The following RBBP7 variants were observed in gnomAD, a reference collection of about 807,000 sequenced individuals.
RBBP7 encodes the protein histone-binding protein RBBP7.
RBBP7 carries 5 observed loss-of-function variants against 35.2 expected under a neutral mutation model. That is an observed-to-expected ratio of 0.14 (90% CI 0.07 to 0.30). The LOEUF is 0.30. RBBP7 is among the 10% of genes least tolerant of loss of function. The pLI is 1.00. For missense variants in RBBP7, 155 were observed against 327.5 expected (o/e 0.47, Z 4.07); for synonymous variants, 140 against 118.7 (o/e 1.18, Z -1.17).
chrX:16,844,378 G>A lies in RBBP7; in HGVS notation c.*657C>T, dbSNP rs1409044001. On this transcript the variant is annotated 3_prime_UTR_variant, in exon 12 of 12. Transcript: ENST00000380087. ...ACACTGCTTTATTTTTACAGCCCAC[G>A]TCTTTCATGAGGATACGAATTGTTA... 2 of 112,276 alleles carry A rather than the reference G, an allele frequency of 1.8e-5. No individual in the cohort carries two copies. The highest frequency in any genetic ancestry group is 3.8e-5 in the Non-Finnish European group (2 of 53,270). 9.3% of individuals were successfully genotyped at this position (112,276 alleles called of 1,213,427 possible). A position where few individuals can be genotyped will look rare whatever the true frequency, so the allele number is the denominator to read the frequency against.
chrX:16,852,524 TAC>T lies in RBBP7; in HGVS notation c.963+25_963+26del, dbSNP rs1569060069. 9 of 1,194,537 alleles carry T rather than the reference TAC, an allele frequency of 7.5e-6. No individual in the cohort carries two copies. In the African/African-American group the frequency reaches 1.1e-4, roughly 14 times the overall value. ...AATCCCTGGATTTCATTTCCTGACA[TAC>T]AGACACCAGAAAACTGTCACATACC... On this transcript the variant is annotated intron_variant, in intron 8 of 11. Coordinates refer to ENST00000380087, the MANE Select transcript of RBBP7 (RefSeq NM_002893.4).
At chrX:16,869,432 C>T in intron 1 of RBBP7, 1 of 1,139,235 alleles carries the variant, frequency 8.8e-7, no homozygotes, top group Non-Finnish European at 1.2e-6. Flanking sequence ...CCTGCGTACA[C>T]CATGTTGGGT....
At chrX:16,864,418 C>T (rs58036258) in intron 2 of RBBP7, among the ~76,000 whole-genome samples, 3,379 of 105,760 alleles carry the variant, frequency 0.032, 166 homozygotes, top group African/African-American at 0.11. Flanking sequence ...ACTCAGGAGG[C>T]GGAGGCAGGA....
chrX:16,865,474 T>A (rs1461774074), intron 2 of RBBP7, among the ~76,000 whole-genome samples: 2 of 111,714 alleles, frequency 1.8e-5, no homozygotes, highest in Non-Finnish European at 3.8e-5. Flanking sequence ...AGCTTAAAAA[T>A]CCCTCTGGAC....
At position 16,853,860 on chromosome X, in the gene RBBP7, A is replaced by G. The variant is rs748822874; in HGVS notation, c.598-18T>C. ...CAAACAGTCTAAGAGAGAAGGAGAG[A>G]AAAAAAAAAGAACAAGGGCTATAAG... On this transcript the variant is annotated intron_variant, in intron 5 of 11. Coordinates refer to ENST00000380087, the MANE Select transcript of RBBP7 (RefSeq NM_002893.4). The G allele has an allele frequency of 2.1e-6, 2 of 956,585 alleles. No individual in the cohort carries two copies. The highest frequency in any genetic ancestry group is 2.7e-6 in the Non-Finnish European group (2 of 738,307). The allele number at this position is 956,585 out of a possible 1,213,427, so 78.8% of individuals were successfully genotyped here.
Position 16,858,656 on chromosome X carries a change from C to T in RBBP7, c.481+20G>A. On this transcript the variant is annotated intron_variant, in intron 4 of 11. Transcript: ENST00000380087. ...TCAAGAAAACTGCTCAAGTAATGACCTAACTCTATTATTACATACCTGGTT... is the reference window on the plus strand; with the variant it reads ...TCAAGAAAACTGCTCAAGTAATGACTTAACTCTATTATTACATACCTGGTT... The T allele has an allele frequency of 1.7e-6, 2 of 1,203,055 alleles. No individual in the cohort carries two copies. Among genetic ancestry groups the T allele is most frequent in the East Asian group, 3.0e-5 (1 of 33,666 alleles).
Position 16,870,262 on chromosome X carries a change from C to G in RBBP7, c.-209G>C. ...CGCTCGCGGGTACCGAGGTCTGAGG[C>G]GCTCTTCTCTCTCTCTCCAAACTTG... On this transcript the variant is annotated 5_prime_UTR_variant, in exon 1 of 12. Coordinates refer to ENST00000380087, the MANE Select transcript of RBBP7 (RefSeq NM_002893.4). The G allele has an allele frequency of 2.4e-6, 1 of 415,999 alleles. No homozygotes were observed. The highest frequency in any genetic ancestry group is 3.2e-6 in the Non-Finnish European group (1 of 311,264). The allele number at this position is 415,999 out of a possible 1,213,427, so 34.3% of individuals were successfully genotyped here. A position where few individuals can be genotyped will look rare whatever the true frequency, so the allele number is the denominator to read the frequency against.
chrX:16,862,545 A>G (rs1436047385), intron 3 of RBBP7, among the ~76,000 whole-genome samples: 1 of 111,142 alleles, frequency 9.0e-6, no homozygotes, highest in African/African-American at 3.3e-5. Context: ...ATTAAAAAAA[A>G]AAATTTTTTT....
At chrX:16,851,124 CAAAA>C (rs139028984) in intron 9 of RBBP7, among the ~76,000 whole-genome samples, 1 of 79,964 alleles carries the variant, frequency 1.3e-5, no homozygotes. Context: ...ATTCAGTCTC[CAAAA>C]AAAAAAAAAG....
intron 9 of RBBP7, among the ~76,000 whole-genome samples, chrX:16,850,158 GTA>G (rs1232383585): frequency 8.9e-6 from 1 of 112,262 alleles, no homozygotes. Context: ...CCACCTGTCA[GTA>G]TAGTTGCTAA....
intron 11 of RBBP7, 141 bp from the exon 12 acceptor site, chrX:16,845,244 G>A: frequency 2.1e-6 from 1 of 475,169 alleles, no homozygotes. Context: ...GAAATGGTAG[G>A]CTAGCCAGTA....
At chrX:16,854,482 G>A (rs1470192656) in intron 5 of RBBP7, among the ~76,000 whole-genome samples, 1 of 110,826 alleles carries the variant, frequency 9.0e-6, no homozygotes, top group Non-Finnish European at 1.9e-5. Context: ...CCAAGAGCCC[G>A]GCGCTCAGCA....
intron 9 of RBBP7, among the ~76,000 whole-genome samples, chrX:16,849,714 CTTCA>C (rs954120224): frequency 6.3e-5 from 7 of 111,903 alleles, no homozygotes; most frequent in African/African-American, 1.3e-4. Flanking sequence ...CTCAAAATCC[CTTCA>C]TTAACTGTTT....
chrX:16,846,519 C>T (rs1930082690), intron 10 of RBBP7: 1 of 112,133 alleles, frequency 8.9e-6, no homozygotes, highest in African/African-American at 3.2e-5. Context: ...AAATCCCTGG[C>T]TCCAAAAGCA....
At chrX:16,845,786 T>C in intron 11 of RBBP7, 42 bp downstream of exon 11, 1 of 1,183,578 alleles carries the variant, frequency 8.4e-7, no homozygotes. Flanking sequence ...AGTAAATCTC[T>C]CCTTTACAAG....
chrX:16,867,614 G>A (rs1383488510), intron 2 of RBBP7, among the ~76,000 whole-genome samples: 1 of 111,250 alleles, frequency 9.0e-6, no homozygotes, highest in Non-Finnish European at 1.9e-5. Flanking sequence ...ATCAATGTTT[G>A]CATATGGAGA....
rs1461693749 is a variant in RBBP7 at position 16,860,707 on chromosome X, AT to A, written c.308-1859del. 3.7e-5 allele frequency among the ~76,000 whole-genome samples: 4 copies of A among 107,893 alleles called. No homozygotes were observed. The East Asian group carries it at 1.1e-3, about 31-fold the overall frequency. The allele number at this position is 107,893 out of a possible 115,157, so 93.7% of individuals were successfully genotyped here. On this transcript the variant is annotated intron_variant, in intron 3 of 11. Coordinates refer to ENST00000380087, the MANE Select transcript of RBBP7 (RefSeq NM_002893.4). ...AAAGAAAAAAAAAAAGAAAAAAAAA[AT>A]ATATATACTGAATATTAACAAAGGT...
In RBBP7 at chrX:16,863,019, A is replaced by G; in HGVS notation, c.243T>C (p.Ala81=). The G allele has an allele frequency of 8.3e-7, 1 of 1,210,281 alleles. No homozygotes were observed. Among genetic ancestry groups the G allele is most frequent in the Non-Finnish European group, 1.1e-6 (1 of 894,209 alleles). ...TSDEQNHLVV[A]RVHIPNDDAQ... is the part of the protein sequence containing the mutation. ...CATCATCATTGGGAATATGTACTCG[A>G]GCAACCACCAGATGATTCTGCTCAT... The change falls in exon 3 of 12, where the codon GCT becomes GCC. Residue 81 remains alanine (A), a synonymous_variant. Transcript: ENST00000380087.
At chrX:16,864,926 G>A (rs999041763) in intron 2 of RBBP7, among the ~76,000 whole-genome samples, 1 of 109,268 alleles carries the variant, frequency 9.2e-6, no homozygotes, top group Non-Finnish European at 1.9e-5. Context: ...CCTTTACAGG[G>A]AATAGTGGCT....
Sources: allele counts gnomAD v4.1 joint callset (sites outside exome capture counted in the v4.1 genomes callset), GRCh38; gene constraint gnomAD v4.1.1; transcripts MANE v1.5; gene names NCBI Gene and HGNC (gene_info 2026-07-23, HGNC 2026-07-21).